FRMD6: variants seen among roughly 807,000 people sequenced by gnomAD.
FRMD6 encodes FERM domain containing 6, also known as FERM domain-containing protein 6.
In FRMD6, 37 loss-of-function variants were observed where a neutral mutation model predicts 73.2. The ratio of observed to expected loss-of-function variants is 0.51; its 90% CI spans 0.39 to 0.66. The LOEUF (loss-of-function observed/expected upper bound fraction) is 0.66, where lower values mean the gene tolerates loss of function less well. Among genes scored for constraint, FRMD6 ranks in the 30% least tolerant of loss-of-function variants. The probability of loss-of-function intolerance (pLI) is 0.00; values close to 1 mark genes in which losing one functional copy is unlikely to be tolerated. For synonymous variants in FRMD6, 273 were observed against 282.2 expected (o/e 0.97, Z 0.33); for missense variants, 714 against 780.5 (o/e 0.91, Z 1.02).
intron 1 of FRMD6, among the ~76,000 whole-genome samples, chr14:51,673,102 G>C (rs959690920): frequency 6.6e-6 from 1 of 152,054 alleles, no homozygotes; most frequent in African/African-American, 2.4e-5. Context: ...GCTTTACTTG[G>C]CCTACTGAGG....
upstream of FRMD6, among the ~76,000 whole-genome samples, chr14:51,648,057 T>C (rs1457495301): frequency 3.3e-5 from 5 of 152,210 alleles, no homozygotes; most frequent in African/African-American, 1.2e-4. Context: ...ACTCCTGACC[T>C]CAGGTGATTT....
At chr14:51,444,032 G>C in the FRMD6 span, among the ~76,000 whole-genome samples, 1 of 150,334 alleles carries the variant, frequency 6.7e-6, no homozygotes, top group African/African-American at 2.5e-5. Context: ...AGGTTCAAGT[G>C]ATTCTTCCGC....
chr14:51,557,023 G>A lies in FRMD6; in HGVS notation c.-209-13325G>A, dbSNP rs976358807. Among the ~76,000 whole-genome samples the A allele has an allele frequency of 2.0e-5, 3 of 152,278 alleles. No individual in the cohort carries two copies. The South Asian group carries it at 6.2e-4, about 32-fold the overall frequency. ...AGTAATAAACTGGGCATGGTGGTAT[G>A]TGCCTATAATCCCAGCTATTCTGAG... is the stretch of plus-strand genomic sequence containing the variant. On this transcript the variant is annotated intron_variant, in intron 1 of 14. Transcript: ENST00000356218.
the FRMD6 span, among the ~76,000 whole-genome samples, chr14:51,422,175 C>T: frequency 1.3e-5 from 2 of 152,088 alleles, no homozygotes; most frequent in African/African-American, 4.8e-5. Context: ...CGAAATTGTT[C>T]CCTGAATTAA....
Position 51,729,251 on chromosome 14 carries a change from A to G in FRMD6, c.*1222A>G, listed in dbSNP as rs1360790554. ...CCAAGTAGAATTGCCTTTTCTTTTA[A>G]AGTTCTCCAGATGGAGCTAATATGC... On this transcript the variant is annotated 3_prime_UTR_variant, in exon 14 of 14. Transcript: ENST00000344768. The G allele has an allele frequency of 6.6e-6, 1 of 152,150 alleles. No homozygotes were observed. Among genetic ancestry groups the G allele is most frequent in the East Asian group, 1.9e-4 (1 of 5,190 alleles). The allele number at this position is 152,150 out of a possible 1,614,324, so 9.4% of individuals were successfully genotyped here.
intron 2 of FRMD6, among the ~76,000 whole-genome samples, chr14:51,644,477 T>C (rs1197931601): frequency 6.6e-6 from 1 of 152,116 alleles, no homozygotes; most frequent in Non-Finnish European, 1.5e-5. Flanking sequence ...TGTCAGATAC[T>C]GTTCTAGATG....
intron 2 of FRMD6, among the ~76,000 whole-genome samples, chr14:51,697,235 T>C (rs893438238): frequency 2.0e-5 from 3 of 152,216 alleles, no homozygotes; most frequent in Non-Finnish European, 4.4e-5. Flanking sequence ...GCAGTATTAT[T>C]CATAACAGTC....
At chr14:51,416,934 T>C in the FRMD6 span, among the ~76,000 whole-genome samples, 1 of 152,226 alleles carries the variant, frequency 6.6e-6, no homozygotes, top group African/African-American at 2.4e-5. Context: ...TTTTGATCTT[T>C]GTTGGTTCAA....
At chr14:51,401,832 T>C in the FRMD6 span, among the ~76,000 whole-genome samples, 2 of 152,218 alleles carry the variant, frequency 1.3e-5, no homozygotes, top group African/African-American at 2.4e-5. Flanking sequence ...GCCAGACTTG[T>C]TCATCCCAAG....
the FRMD6 span, among the ~76,000 whole-genome samples, chr14:51,482,977 C>A: frequency 6.6e-6 from 1 of 152,144 alleles, no homozygotes; most frequent in African/African-American, 2.4e-5. Flanking sequence ...GCTGGGATGA[C>A]AAGCGTGAGC....
At chr14:51,594,051 T>C (rs1443732821) in intron 2 of FRMD6, among the ~76,000 whole-genome samples, 1 of 152,160 alleles carries the variant, frequency 6.6e-6, no homozygotes, top group Non-Finnish European at 1.5e-5. Context: ...GAATTACTGA[T>C]GGAACCTAGA....
At chr14:51,724,849 A>G (rs1174096904) in intron 12 of FRMD6, among the ~76,000 whole-genome samples, 1 of 151,888 alleles carries the variant, frequency 6.6e-6, no homozygotes, top group African/African-American at 2.4e-5. Context: ...TCTAGTTCTT[A>G]TTGGTAATTT....
chr14:51,583,133 A>G (rs17092938), intron 2 of FRMD6, among the ~76,000 whole-genome samples: 2,912 of 152,316 alleles, frequency 0.019, 89 homozygotes, highest in African/African-American at 0.066. Flanking sequence ...ATTCATCTAC[A>G]AAGAGTCAGA....
chr14:51,574,899 C>T (rs4898699), intron 2 of FRMD6, among the ~76,000 whole-genome samples: 147,389 of 152,308 alleles, frequency 0.97, 71,353 homozygotes, highest in East Asian at 1. Flanking sequence ...GGTGTGATTA[C>T]TACACATTGC....
intron 2 of FRMD6, among the ~76,000 whole-genome samples, chr14:51,620,388 A>G (rs1489790591): frequency 6.6e-6 from 1 of 152,172 alleles, no homozygotes; most frequent in Non-Finnish European, 1.5e-5. Flanking sequence ...AACCACAAGG[A>G]AAGTTCCACT....
chr14:51,512,632 G>C (rs567502000), intron 1 of FRMD6, among the ~76,000 whole-genome samples: 4 of 150,052 alleles, frequency 2.7e-5, no homozygotes, highest in African/African-American at 1.0e-4. Context: ...TTTTTTTGTG[G>C]GGGATGGATA....
chr14:51,504,195 G>A (rs1883804801), intron 1 of FRMD6, among the ~76,000 whole-genome samples: 1 of 152,190 alleles, frequency 6.6e-6, no homozygotes, highest in South Asian at 2.1e-4. Context: ...GGCTGCTGTG[G>A]TTTGCTGGGG....
the FRMD6 span, among the ~76,000 whole-genome samples, chr14:51,476,347 T>C: frequency 3.3e-5 from 5 of 152,308 alleles, 1 homozygote; most frequent in African/African-American, 1.2e-4. Flanking sequence ...TGCCTCCCAG[T>C]CTTTCTTTTA....
At chr14:51,446,049 G>A in the FRMD6 span, among the ~76,000 whole-genome samples, 1 of 152,184 alleles carries the variant, frequency 6.6e-6, no homozygotes, top group African/African-American at 2.4e-5. Flanking sequence ...CAGTGATGGA[G>A]TTAAGATTCA....
Sources: allele counts gnomAD v4.1 joint callset (sites outside exome capture counted in the v4.1 genomes callset), GRCh38; gene constraint gnomAD v4.1.1; transcripts MANE v1.5; gene names NCBI Gene and HGNC (gene_info 2026-07-23, HGNC 2026-07-21).